The following SFTPD variants were observed in gnomAD, a reference collection of about 807,000 sequenced individuals.
SFTPD encodes pulmonary surfactant-associated protein D.
SFTPD carries 18 observed loss-of-function variants against 34.6 expected under a neutral mutation model. That is an observed-to-expected ratio of 0.52 (90% CI 0.36 to 0.77). SFTPD has a LOEUF of 0.77. Among genes scored for constraint, SFTPD ranks in the 30% least tolerant of loss-of-function variants. SFTPD has a pLI of 0.00. For synonymous variants in SFTPD, 155 were observed against 180.9 expected (o/e 0.86, Z 1.15); for missense variants, 433 against 468.9 (o/e 0.92, Z 0.71).
At position 79,946,505 on chromosome 10, in the gene SFTPD, C is replaced by T. The variant is rs757779942; in HGVS notation, c.155G>A (p.Gly52Glu). Residue 52 changes from glycine to glutamate, a missense_variant, in exon 2 of 8, where the codon GGA (glycine) becomes GAA (glutamate). Transcript: ENST00000372292. ...SVESGLPGRD[G>E]RDGREGPRGE... ...CCGAGGGCCCTCTCTCCCATCCCGT[C>T]CATCGCGACCAGGCAGGCCACTCTC... 17 of 1,614,080 alleles carry T rather than the reference C, an allele frequency of 1.1e-5. No individual in the cohort carries two copies. The African/African-American group carries it at 1.9e-4, about 18-fold the overall frequency.
rs552402247 is a variant in SFTPD, at chr10:79,969,004, A to C, written c.36+13571T>G. 3.9e-5 allele frequency: 6 copies of C among 152,094 alleles called. No homozygotes were observed. In the East Asian group the frequency reaches 1.2e-3, roughly 29 times the overall value. The allele number at this position is 152,094 out of a possible 1,614,324, so 9.4% of individuals were successfully genotyped here. ...GCTCATGTCCTTTGCCCACTTTTTAATGGGGTTGTTTTTTGCCTGTTAATT... is the reference window on the plus strand; with the variant it reads ...GCTCATGTCCTTTGCCCACTTTTTACTGGGGTTGTTTTTTGCCTGTTAATT... On this transcript the variant is annotated intron_variant, in intron 1 of 5. Transcript: ENST00000444384.
At chr10:79,976,150 G>A (rs549136994) in intron 1 of SFTPD, among the ~76,000 whole-genome samples, 1 of 152,224 alleles carries the variant, frequency 6.6e-6, no homozygotes, top group Non-Finnish European at 1.5e-5. Context: ...AGAAAAACAA[G>A]TTTCTCTTTT....
chr10:79,940,620 C>G, intron 7 of SFTPD, 85 bp downstream of exon 7: 2 of 870,678 alleles, frequency 2.3e-6, no homozygotes, highest in Non-Finnish European at 3.8e-6. Flanking sequence ...AAAGGTCTAG[C>G]CCCAGCCAAA....
intron 7 of SFTPD, among the ~76,000 whole-genome samples, chr10:79,938,660 G>A (rs1842581479): frequency 6.6e-6 from 1 of 152,146 alleles, no homozygotes; most frequent in African/African-American, 2.4e-5. Context: ...GTTTCTGAGA[G>A]TACAGAAAAC....
chr10:79,972,731 T>C (rs1359277022), intron 1 of SFTPD: 2 of 152,172 alleles, frequency 1.3e-5, no homozygotes, highest in Non-Finnish European at 1.5e-5. Context: ...CATCACTTCC[T>C]TGGAAGTCTG....
chr10:79,961,115 C>T (rs574674741), intron 1 of SFTPD, among the ~76,000 whole-genome samples: 1 of 152,172 alleles, frequency 6.6e-6, no homozygotes, highest in South Asian at 2.1e-4. Context: ...GAAACTGGAT[C>T]CCTTCCTTAC....
At chr10:79,978,329 A>G (rs60870538) in intron 1 of SFTPD, among the ~76,000 whole-genome samples, 7,458 of 152,304 alleles carry the variant, frequency 0.049, 245 homozygotes, top group East Asian at 0.15. Flanking sequence ...ACATTCTTTC[A>G]TCATAAGAGA....
chr10:79,959,839 C>A (rs1173667695), intron 1 of SFTPD, among the ~76,000 whole-genome samples: 7 of 151,846 alleles, frequency 4.6e-5, no homozygotes, highest in African/African-American at 1.7e-4. Flanking sequence ...AGAAACACAA[C>A]CAAAAAAGAG....
intron 1 of SFTPD, among the ~76,000 whole-genome samples, chr10:79,963,715 T>C (rs1448133594): frequency 2.0e-5 from 3 of 152,190 alleles, no homozygotes; most frequent in African/African-American, 7.2e-5. Context: ...GAGCTTATTA[T>C]ATAGAGTGAG....
chr10:79,974,270 C>A (rs1411103441), intron 1 of SFTPD, among the ~76,000 whole-genome samples: 1 of 152,126 alleles, frequency 6.6e-6, no homozygotes, highest in Non-Finnish European at 1.5e-5. Flanking sequence ...TGAGTTGACG[C>A]CATTCTCCTG....
chr10:79,943,117 T>C (rs1842630719), intron 2 of SFTPD, among the ~76,000 whole-genome samples: 1 of 152,156 alleles, frequency 6.6e-6, no homozygotes, highest in East Asian at 1.9e-4. Context: ...TGACCTTCTA[T>C]GCGGTGCTCC....
At chr10:79,958,052 G>C (rs1842750403) in intron 1 of SFTPD, among the ~76,000 whole-genome samples, 1 of 152,158 alleles carries the variant, frequency 6.6e-6, no homozygotes, top group South Asian at 2.1e-4. Flanking sequence ...GTCAAACTAA[G>C]CTTCATAAGT....
chr10:79,955,946 A>G (rs1187149943), intron 1 of SFTPD, among the ~76,000 whole-genome samples: 3 of 152,172 alleles, frequency 2.0e-5, no homozygotes, highest in Non-Finnish European at 4.4e-5. Context: ...CTTACTATTG[A>G]TAACTGAGTC....
chr10:79,948,698 G>T (rs917635357), intron 1 of SFTPD, among the ~76,000 whole-genome samples: 1 of 152,292 alleles, frequency 6.6e-6, no homozygotes, highest in South Asian at 2.1e-4. Flanking sequence ...GCCTGGGTTT[G>T]TCTCTCTTCC....
intron 1 of SFTPD, among the ~76,000 whole-genome samples, chr10:79,978,916 TTGTC>T (rs1468484654): frequency 6.6e-6 from 1 of 151,828 alleles, no homozygotes; most frequent in African/African-American, 2.4e-5. Context: ...AGAAGTAAAA[TTGTC>T]TGTCTGCAGA....
chr10:79,972,339 A>C (rs1327502564), intron 1 of SFTPD: 1 of 152,294 alleles, frequency 6.6e-6, no homozygotes, highest in Admixed American at 6.5e-5. Context: ...CTCTACTAAA[A>C]ATACAAAAAA....
intron 1 of SFTPD, among the ~76,000 whole-genome samples, chr10:79,947,467 A>C (rs190434394): frequency 6.6e-6 from 1 of 152,354 alleles, no homozygotes; most frequent in East Asian, 1.9e-4. Flanking sequence ...AGGCGGGCAG[A>C]TCACTTGAAG....
In SFTPD at chr10:79,969,029, T is replaced by G. The variant is rs569290240; in HGVS notation, c.36+13546A>C. ...ATGGGGTTGTTTTTTGCCTGTTAAT[T>G]TAAGTTCCTTATAAATTCTGGATAT... On this transcript the variant is annotated intron_variant, in intron 1 of 5. Transcript: ENST00000444384. The G allele has an allele frequency of 2.0e-5, 3 of 152,296 alleles. No homozygotes were observed. In the East Asian group the frequency reaches 5.8e-4, roughly 29 times the overall value. 9.4% of individuals were successfully genotyped at this position (152,296 alleles called of 1,614,324 possible).
At chr10:79,964,344 C>G (rs564318477) in intron 1 of SFTPD, among the ~76,000 whole-genome samples, 2 of 152,266 alleles carry the variant, frequency 1.3e-5, no homozygotes. Context: ...CTGCAAGGGC[C>G]ATCAAAAGGC....
Sources: gnomAD v4.1 joint callset for allele counts (sites outside exome capture counted in the v4.1 genomes callset) on GRCh38, gnomAD v4.1.1 for gene constraint, MANE v1.5 for transcripts, NCBI Gene and HGNC (gene_info 2026-07-23, HGNC 2026-07-21) for gene names.